CBLN4: variants seen among roughly 807,000 people sequenced by gnomAD.
CBLN4 encodes the protein cerebellin-4.
In CBLN4, 7 loss-of-function variants were observed where a neutral mutation model predicts 14.9. That is an observed-to-expected ratio of 0.47 (90% CI 0.27 to 0.88). CBLN4 has a LOEUF of 0.88. Among genes scored for constraint, CBLN4 ranks in the 40% least tolerant of loss-of-function variants. The pLI, the probability that CBLN4 is intolerant of heterozygous loss-of-function variation, is 0.14. For synonymous variants in CBLN4, 131 were observed against 116.5 expected (o/e 1.12, Z -0.80); for missense variants, 188 against 256.8 (o/e 0.73, Z 1.83).
intron 2 of CBLN4, 33 bp downstream of exon 2, chr20:56,000,698 G>A: frequency 9.0e-7 from 1 of 1,115,556 alleles, no homozygotes; most frequent in Non-Finnish European, 1.3e-6. Flanking sequence ...ACAGTTGGTT[G>A]AGAGTATGGA....
chr20:56,003,039 G>T (rs548850499), intron 1 of CBLN4, among the ~76,000 whole-genome samples: 1 of 152,258 alleles, frequency 6.6e-6, no homozygotes, highest in African/African-American at 2.4e-5. Context: ...AGCCAAACAC[G>T]GAGCACCAGG....
Position 56,004,154 on chromosome 20 carries a change from C to T in CBLN4, c.18G>A (p.Arg6=), listed in dbSNP as rs1343629923. The T allele has an allele frequency of 1.1e-5, 17 of 1,543,108 alleles. No homozygotes were observed. The Admixed American group carries it at 1.5e-4, about 14-fold the overall frequency. Residue 6 remains arginine, a synonymous_variant, in exon 1 of 3, where the codon CGG becomes CGA. Transcript: ENST00000064571. The surrounding 1 kb of genome is among the most constrained non-coding windows in gnomAD (Gnocchi z 6.1). MGSGR[R]ALSAVPAVLL... ...GCACGGCCGGCACCGCGGACAGCGC[C>T]CGGCGCCCGGAGCCCATGGTGAGCC...
Position 56,005,251 on chromosome 20 carries a change from C to G in CBLN4, c.-1080G>C, listed in dbSNP as rs1285447329. The G allele has an allele frequency of 6.6e-6, 1 of 152,368 alleles. No homozygotes were observed. Among genetic ancestry groups the G allele is most frequent in the Non-Finnish European group, 1.5e-5 (1 of 68,168 alleles). 9.4% of individuals were successfully genotyped at this position (152,368 alleles called of 1,614,324 possible). On this transcript the variant is annotated 5_prime_UTR_variant, in exon 1 of 3. Coordinates refer to ENST00000064571, the MANE Select transcript of CBLN4 (RefSeq NM_080617.6). Reference sequence around the variant, plus strand: ...CACGGCCCTGCGCTGGCCCCAGCTCCGCGCCCACTCTCTCCTGCTCGATCT... The same window carrying G: ...CACGGCCCTGCGCTGGCCCCAGCTCGGCGCCCACTCTCTCCTGCTCGATCT...
chr20:56,002,364 C>G (rs1986389313), intron 1 of CBLN4, among the ~76,000 whole-genome samples: 1 of 152,128 alleles, frequency 6.6e-6, no homozygotes, highest in Non-Finnish European at 1.5e-5. Context: ...ATACAAGTAG[C>G]ATAATTCATT....
rs559900195 is a variant in CBLN4, at chr20:55,997,857, C to T, written c.*700G>A. ...TTTGGGTAAGCAACTTTTTCCTTGT[C>T]AGATTTATGATCTATTCTTCTTCTT... On this transcript the variant is annotated 3_prime_UTR_variant, in exon 3 of 3. Coordinates refer to ENST00000064571, the MANE Select transcript of CBLN4 (RefSeq NM_080617.6). 2.6e-5 allele frequency: 4 copies of T among 152,672 alleles called. No homozygotes were observed. The East Asian group carries it at 5.8e-4, about 22-fold the overall frequency. 9.5% of individuals were successfully genotyped at this position (152,672 alleles called of 1,614,324 possible).
rs759738006 is a variant in CBLN4, at chr20:56,004,496, C to G, written c.-325G>C. ...CCTAGACATCTGAAAGTCATCAAACCCTCACATTCACACCTCAAGGCAAAA... is the reference window on the plus strand; with the variant it reads ...CCTAGACATCTGAAAGTCATCAAACGCTCACATTCACACCTCAAGGCAAAA... On this transcript the variant is annotated 5_prime_UTR_variant, in exon 1 of 3. Transcript: ENST00000064571. The surrounding 1 kb of genome is among the most constrained non-coding windows in gnomAD (Gnocchi z 6.1). 1.9e-5 allele frequency: 6 copies of G among 310,160 alleles called. No individual in the cohort carries two copies. Among genetic ancestry groups the G allele is most frequent in the Non-Finnish European group, 3.5e-5 (6 of 170,778 alleles). The allele number at this position is 310,160 out of a possible 1,614,324, so 19.2% of individuals were successfully genotyped here. A position where few individuals can be genotyped will look rare whatever the true frequency, so the allele number is the denominator to read the frequency against.
In CBLN4 at chr20:56,004,133, G is replaced by T. The variant is rs773051164; in HGVS notation, c.39C>A (p.Ala13=). 10 of 1,579,796 alleles carry T rather than the reference G, an allele frequency of 6.3e-6. No individual in the cohort carries two copies. The highest frequency in any genetic ancestry group is 1.1e-5 in the South Asian group (1 of 88,650). The stretch of plus-strand genomic sequence containing the variant: ...CCGGCAGCGTGAGGACCAGCAGCAC[G>T]GCCGGCACCGCGGACAGCGCCCGGC... ...SGRRALSAVP[A]VLLVLTLPGL... The change falls in exon 1 of 3, where the codon GCC becomes GCA. Residue 13 remains alanine, a synonymous_variant. Coordinates refer to ENST00000064571, the MANE Select transcript of CBLN4 (RefSeq NM_080617.6). The surrounding 1 kb of genome is among the most constrained non-coding windows in gnomAD (Gnocchi z 6.1).
At chr20:55,999,169 A>T (rs1386800854) in intron 2 of CBLN4, among the ~76,000 whole-genome samples, 1 of 152,198 alleles carries the variant, frequency 6.6e-6, no homozygotes, top group Non-Finnish European at 1.5e-5. Context: ...AGAGACCCAG[A>T]TACAACCCAA....
intron 2 of CBLN4, among the ~76,000 whole-genome samples, 197 bp downstream of exon 2, chr20:56,000,534 T>C (rs1453948069): frequency 6.6e-6 from 1 of 152,252 alleles, no homozygotes; most frequent in East Asian, 1.9e-4. Context: ...TCTCTATTTT[T>C]CTATACGCTT....
Position 56,005,097 on chromosome 20 carries a change from G to T in CBLN4, c.-926C>A. 1 of 152,574 alleles carries T rather than the reference G, an allele frequency of 6.6e-6. No individual in the cohort carries two copies. Among genetic ancestry groups the T allele is most frequent in the Non-Finnish European group, 1.5e-5 (1 of 68,224 alleles). The allele number at this position is 152,574 out of a possible 1,614,324, so 9.5% of individuals were successfully genotyped here. A position where few individuals can be genotyped will look rare whatever the true frequency, so the allele number is the denominator to read the frequency against. On this transcript the variant is annotated 5_prime_UTR_variant, in exon 1 of 3. Coordinates refer to ENST00000064571, the MANE Select transcript of CBLN4 (RefSeq NM_080617.6). ...GAAGGCGTCTGGTGACCCCATCTGA[G>T]CAGCTCTCTCCTGACGTTTAACGCA... is the stretch of plus-strand genomic sequence containing the variant.
At position 56,003,867 on chromosome 20, in the gene CBLN4, C is replaced by A; in HGVS notation, c.291+14G>T. 2 of 1,583,008 alleles carry A rather than the reference C, an allele frequency of 1.3e-6. No individual in the cohort carries two copies. Among genetic ancestry groups the A allele is most frequent in the Non-Finnish European group, 8.6e-7 (1 of 1,161,318 alleles). On this transcript the variant is annotated intron_variant, in intron 1 of 2. Coordinates refer to ENST00000064571, the MANE Select transcript of CBLN4 (RefSeq NM_080617.6). The stretch of plus-strand genomic sequence containing the variant: ...CGCCCACCCCCTAGGTGCTCGCTTC[C>A]CCCCGGGTCTGACCTGATCGAAGTA...
chr20:56,002,692 C>T (rs772713500), intron 1 of CBLN4, among the ~76,000 whole-genome samples: 12 of 152,148 alleles, frequency 7.9e-5, no homozygotes, highest in Non-Finnish European at 1.2e-4. Context: ...GCACCAAAAC[C>T]CCAAATGGAG....
At chr20:56,000,877 G>T in intron 1 of CBLN4, 30 bp from the exon 2 acceptor site, 1 of 1,170,824 alleles carries the variant, frequency 8.5e-7, no homozygotes, top group Non-Finnish European at 1.2e-6. Flanking sequence ...ATAACAATAA[G>T]TTATTATATT....
At chr20:56,002,229 T>G (rs1986387662) in intron 1 of CBLN4, among the ~76,000 whole-genome samples, 1 of 152,204 alleles carries the variant, frequency 6.6e-6, no homozygotes, top group Non-Finnish European at 1.5e-5. Context: ...TTTTGTAACC[T>G]GATGATAGAT....
chr20:56,002,906 T>C (rs6024563), intron 1 of CBLN4, among the ~76,000 whole-genome samples: 15,793 of 152,166 alleles, frequency 0.1, 2,737 homozygotes, highest in African/African-American at 0.36. Flanking sequence ...AACTGTGAAC[T>C]GTGAATTTGG....
rs192411325 is a variant in CBLN4 at position 56,003,278 on chromosome 20, C to T, written c.291+603G>A. Among the ~76,000 whole-genome samples the T allele has an allele frequency of 2.0e-5, 3 of 152,318 alleles. No individual in the cohort carries two copies. In the East Asian group the frequency reaches 5.8e-4, roughly 29 times the overall value. On this transcript the variant is annotated intron_variant, in intron 1 of 2. Coordinates refer to ENST00000064571, the MANE Select transcript of CBLN4 (RefSeq NM_080617.6). Reference sequence around the variant, plus strand: ...CCGGAGAAGGGCTTGCTGCCTACTCCGAGGCAGCGGCAGTGCCAGCGGTGC... The same window carrying T: ...CCGGAGAAGGGCTTGCTGCCTACTCTGAGGCAGCGGCAGTGCCAGCGGTGC...
rs1986295720 is a variant in CBLN4, at chr20:55,997,425, A to T, written c.*1132T>A. 1 of 152,576 alleles carries T rather than the reference A, an allele frequency of 6.6e-6. No individual in the cohort carries two copies. Among genetic ancestry groups the T allele is most frequent in the South Asian group, 2.1e-4 (1 of 4,832 alleles). The allele number at this position is 152,576 out of a possible 1,614,324, so 9.5% of individuals were successfully genotyped here. On this transcript the variant is annotated 3_prime_UTR_variant, in exon 3 of 3. Coordinates refer to ENST00000064571, the MANE Select transcript of CBLN4 (RefSeq NM_080617.6). ...AATACATATTTCCAAAACGGAAAGAAAAAAACAATTCAACTAACATATATT... is the reference window on the plus strand; with the variant it reads ...AATACATATTTCCAAAACGGAAAGATAAAAACAATTCAACTAACATATATT...
chr20:56,000,704 AT>A, intron 2 of CBLN4, 26 bp downstream of exon 2: 3 of 1,199,810 alleles, frequency 2.5e-6, no homozygotes, highest in Non-Finnish European at 2.4e-6. Flanking sequence ...GGTTGAGAGT[AT>A]GGATGGAAGA....
rs1385356949 is a variant in CBLN4, at chr20:56,005,403, C to G, written c.-1232G>C. On this transcript the variant is annotated 5_prime_UTR_variant, in exon 1 of 3. Coordinates refer to ENST00000064571, the MANE Select transcript of CBLN4 (RefSeq NM_080617.6). Reference sequence around the variant, plus strand: ...GAAAAAGGATAAGCCGCCGCGGACCCGCGCTGCGCGCTGCCCCGAACCTGG... The same window carrying G: ...GAAAAAGGATAAGCCGCCGCGGACCGGCGCTGCGCGCTGCCCCGAACCTGG... The G allele has an allele frequency of 6.6e-6, 1 of 152,264 alleles. No individual in the cohort carries two copies. Among genetic ancestry groups the G allele is most frequent in the East Asian group, 1.9e-4 (1 of 5,158 alleles). The allele number at this position is 152,264 out of a possible 1,614,324, so 9.4% of individuals were successfully genotyped here. A position where few individuals can be genotyped will look rare whatever the true frequency, so the allele number is the denominator to read the frequency against.
Sources: allele counts gnomAD v4.1 joint callset (sites outside exome capture counted in the v4.1 genomes callset), GRCh38; gene constraint gnomAD v4.1.1; non-coding constraint Gnocchi (gnomAD v3.1); transcripts MANE v1.5; gene names NCBI Gene and HGNC (gene_info 2026-07-23, HGNC 2026-07-21).